CMIP: variants seen among roughly 807,000 people sequenced by gnomAD.
CMIP encodes the protein c-Maf inducing protein.
Under a neutral mutation model 97.3 loss-of-function variants are expected in CMIP, and 13 were observed. The ratio of observed to expected loss-of-function variants is 0.13; its 90% CI spans 0.09 to 0.21. CMIP has a LOEUF of 0.21. Among genes scored for constraint, CMIP ranks in the 10% least tolerant of loss-of-function variants. CMIP has a pLI of 1.00. For missense variants in CMIP, 847 were observed against 1,024.9 expected (o/e 0.83, Z 2.37); for synonymous variants, 538 against 436.3 (o/e 1.23, Z -2.91).
chr16:81,662,047 A>G (rs1353991099), intron 6 of CMIP, among the ~76,000 whole-genome samples: 1 of 152,298 alleles, frequency 6.6e-6, no homozygotes, highest in East Asian at 1.9e-4. Flanking sequence ...CGGGCTCCTC[A>G]GGACACACAA....
intron 3 of CMIP, among the ~76,000 whole-genome samples, chr16:81,629,689 A>G (rs951857578): frequency 2.0e-5 from 3 of 152,246 alleles, no homozygotes; most frequent in Non-Finnish European, 4.4e-5. Flanking sequence ...GTGGCCAGGC[A>G]CATGGACAGT....
intron 1 of CMIP, among the ~76,000 whole-genome samples, chr16:81,482,273 A>G (rs868850255): frequency 1.5e-4 from 23 of 152,058 alleles, no homozygotes; most frequent in Admixed American, 5.9e-4. Flanking sequence ...AAGCAACTCT[A>G]AGGGTCCCTT....
At chr16:81,498,569 G>A (rs1272612195) in intron 1 of CMIP, among the ~76,000 whole-genome samples, 4 of 152,210 alleles carry the variant, frequency 2.6e-5, no homozygotes, top group Non-Finnish European at 4.4e-5. Flanking sequence ...CTGACTCATG[G>A]CTCCCATCCC....
At position 81,504,251 on chromosome 16, in the gene CMIP, G is replaced by A. The variant is rs139735343; in HGVS notation, c.300+58710G>A. On this transcript the variant is annotated intron_variant, in intron 1 of 20. Transcript: ENST00000537098. The stretch of plus-strand genomic sequence containing the variant: ...TGAGGCAGGAGAATCGCTTGAACCC[G>A]GGAGGCAGAGGTTGCAGTGGGCTGA... 6.5e-3 allele frequency among the ~76,000 whole-genome samples: 968 copies of A among 149,156 alleles called. 12 individuals are homozygous for A. The highest frequency in any genetic ancestry group is 0.023 in the African/African-American group (915 of 40,486).
chr16:81,501,104 T>G (rs1346308558), intron 1 of CMIP, among the ~76,000 whole-genome samples: 1 of 152,226 alleles, frequency 6.6e-6, no homozygotes, highest in Non-Finnish European at 1.5e-5. Flanking sequence ...TAAGACCTAC[T>G]GAGAATCTGA....
At chr16:81,460,701 T>C (rs1227581327) in intron 1 of CMIP, among the ~76,000 whole-genome samples, 1 of 151,990 alleles carries the variant, frequency 6.6e-6, no homozygotes, top group Non-Finnish European at 1.5e-5. Context: ...GGAGATGGAG[T>C]GGTGTTCAGA....
intron 2 of CMIP, among the ~76,000 whole-genome samples, chr16:81,615,757 G>C (rs959173015): frequency 9.2e-5 from 14 of 151,950 alleles, no homozygotes; most frequent in African/African-American, 3.1e-4. Flanking sequence ...TGTGGTGTAT[G>C]TGTCTTTGTG....
chr16:81,667,033 G>C (rs1363911120), intron 7 of CMIP: 1 of 151,980 alleles, frequency 6.6e-6, no homozygotes, highest in African/African-American at 2.4e-5. Flanking sequence ...GAGCCTGTTG[G>C]GGTGGCATGA....
chr16:81,594,550 A>G (rs1388583825), intron 1 of CMIP, among the ~76,000 whole-genome samples: 1 of 152,150 alleles, frequency 6.6e-6, no homozygotes, highest in Non-Finnish European at 1.5e-5. Flanking sequence ...GACCTCGAAT[A>G]GTACTAAATC....
chr16:81,711,059 A>G lies in CMIP; in HGVS notation c.*1260A>G, dbSNP rs1555556274. On this transcript the variant is annotated 3_prime_UTR_variant, in exon 21 of 21. Coordinates refer to ENST00000537098, the MANE Select transcript of CMIP (RefSeq NM_198390.3). Reference sequence around the variant, plus strand: ...CCCACATGTGACCACTGCAACGAAGACACTCCTTCTGTCCCCACCTGCTCC... The same window carrying G: ...CCCACATGTGACCACTGCAACGAAGGCACTCCTTCTGTCCCCACCTGCTCC... The G allele has an allele frequency of 7.1e-6, 1 of 141,774 alleles. No individual in the cohort carries two copies. The highest frequency in any genetic ancestry group is 1.5e-5 in the Non-Finnish European group (1 of 65,592). 8.8% of individuals were successfully genotyped at this position (141,774 alleles called of 1,614,324 possible).
intron 1 of CMIP, among the ~76,000 whole-genome samples, chr16:81,491,769 G>A (rs896530803): frequency 3.9e-5 from 6 of 152,184 alleles, no homozygotes; most frequent in African/African-American, 1.4e-4. Flanking sequence ...TGGCTACTGA[G>A]GATTGCTTGT....
chr16:81,649,706 T>C (rs1391231336), intron 3 of CMIP, among the ~76,000 whole-genome samples: 3 of 152,212 alleles, frequency 2.0e-5, no homozygotes, highest in African/African-American at 4.8e-5. Context: ...AAGTAAATAA[T>C]GTGCAGCTGA....
chr16:81,593,723 C>T (rs752390320), intron 1 of CMIP, among the ~76,000 whole-genome samples: 51 of 152,280 alleles, frequency 3.3e-4, no homozygotes, highest in Non-Finnish European at 5.7e-4. Flanking sequence ...TCGCCTCACC[C>T]GGTGCCTGCC....
intron 1 of CMIP, among the ~76,000 whole-genome samples, chr16:81,594,780 A>ATTTTTTTT (rs570057427): frequency 4.0e-3 from 457 of 114,868 alleles, no homozygotes; most frequent in Non-Finnish European, 5.0e-3. Context: ...CGCCCAGCTA[A>ATTTTTTTT]TTTTTTTTTT....
rs1316286892 is a variant in CMIP at position 81,616,320 on chromosome 16, CGGA to C, written c.427-4550_427-4548del. On this transcript the variant is annotated intron_variant, in intron 2 of 20. Coordinates refer to ENST00000537098, the MANE Select transcript of CMIP (RefSeq NM_198390.3). This position sits in a 1 kb window ranked among gnomAD's most constrained non-coding sequence, Gnocchi z 4.7. Reference sequence around the variant, plus strand: ...GTGGCCGCCAGAAGCTTCAGGAGAGCGGAGGAGGGATGGGGTCCTGGCCGAGGT... The same window carrying C: ...GTGGCCGCCAGAAGCTTCAGGAGAGCGGAGGGATGGGGTCCTGGCCGAGGT... Among the ~76,000 whole-genome samples, 2 of 152,066 alleles carry C rather than the reference CGGA, an allele frequency of 1.3e-5. No homozygotes were observed. The highest frequency in any genetic ancestry group is 3.9e-4 in the East Asian group (2 of 5,156).
Position 81,672,079 on chromosome 16 carries a change from C to T in CMIP, c.1034+9C>T. On this transcript the variant is annotated intron_variant, in intron 9 of 20. Transcript: ENST00000537098. ...GAAGAGTTCATCAACAGGTCAGTTG[C>T]TGAACCACCGCCACCCAGAGGGCTT... is the stretch of plus-strand genomic sequence containing the variant. The T allele has an allele frequency of 6.6e-7, 1 of 1,522,004 alleles. No homozygotes were observed. Among genetic ancestry groups the T allele is most frequent in the Non-Finnish European group, 9.0e-7 (1 of 1,111,398 alleles). The allele number at this position is 1,522,004 out of a possible 1,614,324, so 94.3% of individuals were successfully genotyped here.
Position 81,701,722 on chromosome 16 carries a change from C to T in CMIP, c.1818C>T (p.Ile606=). The change falls in exon 16 of 21, where the codon ATC becomes ATT. Residue 606 remains isoleucine, a synonymous_variant. Coordinates refer to ENST00000537098, the MANE Select transcript of CMIP (RefSeq NM_198390.3). ...ACAACGACACCCAACTGCAGATCAT[C>T]TCAACCCTGGAGAGCACAGACGTGG... ...IDNNDTQLQI[I]STLESTDVGK... The T allele has an allele frequency of 6.2e-7, 1 of 1,613,948 alleles. No homozygotes were observed. Among genetic ancestry groups the T allele is most frequent in the South Asian group, 1.1e-5 (1 of 91,086 alleles).
intron 9 of CMIP, among the ~76,000 whole-genome samples, chr16:81,676,607 A>G (rs1904316020): frequency 6.6e-6 from 1 of 152,216 alleles, no homozygotes; most frequent in Admixed American, 6.5e-5. Flanking sequence ...ACAAGTTGTT[A>G]TCAACGATAG....
chr16:81,478,638 C>T (rs1171968644), intron 1 of CMIP, among the ~76,000 whole-genome samples: 3 of 152,086 alleles, frequency 2.0e-5, no homozygotes, highest in African/African-American at 7.2e-5. Context: ...CTCCTGGTGC[C>T]CTGCAGAGCC....
Sources: allele counts gnomAD v4.1 joint callset (sites outside exome capture counted in the v4.1 genomes callset), GRCh38; gene constraint gnomAD v4.1.1; non-coding constraint Gnocchi (gnomAD v3.1); transcripts MANE v1.5; gene names NCBI Gene and HGNC (gene_info 2026-07-23, HGNC 2026-07-21).